DLG2: variants seen among roughly 807,000 people sequenced by gnomAD.
DLG2 encodes disks large homolog 2.
A neutral mutation model predicts 132.5 loss-of-function variants in DLG2; 45 were observed. The observed-to-expected ratio is 0.34, with a 90% CI of 0.27 to 0.44. The LOEUF (loss-of-function observed/expected upper bound fraction) is 0.44, where lower values mean the gene tolerates loss of function less well. Among genes scored for constraint, DLG2 ranks in the 20% least tolerant of loss-of-function variants. The pLI is 1.00. For missense variants in DLG2, 1,045 were observed against 1,196.9 expected (o/e 0.87, Z 1.87); for synonymous variants, 424 against 419.6 (o/e 1.01, Z -0.13).
chr11:84,911,494 C>A (rs932289929), intron 6 of DLG2, among the ~76,000 whole-genome samples: 2 of 151,752 alleles, frequency 1.3e-5, no homozygotes, highest in Non-Finnish European at 2.9e-5. Flanking sequence ...TCTTTTAAAT[C>A]TAATAAATAT....
At chr11:84,674,132 T>C (rs1232323592) in intron 6 of DLG2, among the ~76,000 whole-genome samples, 1 of 152,090 alleles carries the variant, frequency 6.6e-6, no homozygotes, top group African/African-American at 2.4e-5. Context: ...TAGTGATGAG[T>C]GTCCTTCTAA....
chr11:84,866,082 ACCAGTTT>A (rs1566199109), intron 6 of DLG2, among the ~76,000 whole-genome samples: 1 of 152,206 alleles, frequency 6.6e-6, no homozygotes, highest in Non-Finnish European at 1.5e-5. Context: ...TCTTCTAAAA[ACCAGTTT>A]CCTATAGAGG....
intron 6 of DLG2, chr11:84,955,260 T>C (rs1189700189): frequency 6.6e-6 from 1 of 152,202 alleles, no homozygotes; most frequent in African/African-American, 2.4e-5. Flanking sequence ...CCAGTCATTC[T>C]TTTAAATAAT....
chr11:85,255,843 A>G (rs1230735584), intron 4 of DLG2, among the ~76,000 whole-genome samples: 1 of 152,226 alleles, frequency 6.6e-6, no homozygotes, highest in East Asian at 1.9e-4. Context: ...AGCAAGACTG[A>G]GTGGGAAAAG....
intron 6 of DLG2, chr11:84,936,549 G>T (rs2048768462): frequency 6.6e-6 from 1 of 151,782 alleles, no homozygotes; most frequent in Non-Finnish European, 1.5e-5. Context: ...ATATATATGT[G>T]CAATATAATA....
At chr11:83,610,359 C>T (rs916704199) in intron 19 of DLG2, among the ~76,000 whole-genome samples, 2 of 152,078 alleles carry the variant, frequency 1.3e-5, no homozygotes, top group African/African-American at 2.4e-5. Flanking sequence ...TGGTGCTGCA[C>T]GAATCTGTAT....
chr11:85,585,276 T>A (rs2153230285), intron 3 of DLG2, among the ~76,000 whole-genome samples: 1 of 152,320 alleles, frequency 6.6e-6, no homozygotes, highest in Non-Finnish European at 1.5e-5. Flanking sequence ...CCCCACCTTA[T>A]GTTGTTGTTC....
Position 84,207,174 on chromosome 11 carries a change from C to T in DLG2, c.574-43663G>A, listed in dbSNP as rs912430995. Among the ~76,000 whole-genome samples, 3 of 151,458 alleles carry T rather than the reference C, an allele frequency of 2.0e-5. No individual in the cohort carries two copies. In the East Asian group the frequency reaches 5.8e-4, roughly 29 times the overall value. On this transcript the variant is annotated intron_variant, in intron 8 of 27. Coordinates refer to ENST00000376104, the MANE Select transcript of DLG2 (RefSeq NM_001142699.3). ...CTTACATAAATGGAAAAATATACCA[C>T]GCTTATGGGCTGGAAGACTCAATAT...
intron 9 of DLG2, among the ~76,000 whole-genome samples, chr11:84,099,481 G>A (rs1165653642): frequency 6.6e-6 from 1 of 151,796 alleles, no homozygotes; most frequent in Non-Finnish European, 1.5e-5. Context: ...CTTATTTCTG[G>A]TATTGTTGTT....
rs185107843 is a variant in DLG2, at chr11:84,447,144, C to T, written c.519+87426G>A. 5.3e-5 allele frequency among the ~76,000 whole-genome samples: 8 copies of T among 152,230 alleles called. No individual in the cohort carries two copies. The East Asian group carries it at 7.7e-4, about 15-fold the overall frequency. ...TTATAATAGTTAATTAGCTAAACTA[C>T]GCTGTAAGACAGACCACCACCATCA... On this transcript the variant is annotated intron_variant, in intron 7 of 27. Transcript: ENST00000376104.
Position 83,798,913 on chromosome 11 carries a change from A to G in DLG2, c.1723-12121T>C, listed in dbSNP as rs73515117. On this transcript the variant is annotated intron_variant, in intron 17 of 27. Coordinates refer to ENST00000376104, the MANE Select transcript of DLG2 (RefSeq NM_001142699.3). ...CTGTTGCCAACTCTGCCATCAACTT[A>G]TTCAAGCCAGCTAAGGAGCTGCTCT... 2.4e-3 allele frequency among the ~76,000 whole-genome samples: 370 copies of G among 152,348 alleles called. 1 individual carries two copies. The highest frequency in any genetic ancestry group is 8.7e-3 in the African/African-American group (362 of 41,580).
In DLG2 at chr11:83,714,866, A is replaced by T. The variant is rs2086323026; in HGVS notation, c.1825+71824T>A. 2.0e-5 allele frequency among the ~76,000 whole-genome samples: 3 copies of T among 152,226 alleles called. No individual in the cohort carries two copies. In the South Asian group the frequency reaches 6.2e-4, roughly 31 times the overall value. On this transcript the variant is annotated intron_variant, in intron 18 of 27. Coordinates refer to ENST00000376104, the MANE Select transcript of DLG2 (RefSeq NM_001142699.3). ...AAGACAGTGTGGCGATTCCTCAAGG[A>T]TCTAGAACAAGAAATGTCATTTGAC...
At chr11:85,172,853 A>G (rs1209448478) in intron 4 of DLG2, among the ~76,000 whole-genome samples, 2 of 152,160 alleles carry the variant, frequency 1.3e-5, no homozygotes, top group Non-Finnish European at 2.9e-5. Flanking sequence ...AGCATAGACC[A>G]AGCAGAGGAA....
intron 4 of DLG2, among the ~76,000 whole-genome samples, chr11:85,183,190 GA>G (rs1380913550): frequency 6.6e-6 from 1 of 151,748 alleles, no homozygotes; most frequent in Non-Finnish European, 1.5e-5. Context: ...AGTATGAATG[GA>G]ATCAGCTTTG....
chr11:83,951,385 CAAAT>C (rs2085377167), intron 14 of DLG2, among the ~76,000 whole-genome samples: 3 of 151,870 alleles, frequency 2.0e-5, no homozygotes, highest in Admixed American at 1.3e-4. Context: ...AGACAACAAA[CAAAT>C]ACTCAAATAA....
chr11:84,163,775 AAC>A (rs140422194), intron 8 of DLG2, among the ~76,000 whole-genome samples: 1,861 of 152,282 alleles, frequency 0.012, 33 homozygotes, highest in African/African-American at 0.043. Flanking sequence ...GAGGTATAAT[AAC>A]ACAAAATACA....
chr11:84,077,013 G>T (rs537879892), intron 10 of DLG2, among the ~76,000 whole-genome samples: 16 of 152,186 alleles, frequency 1.1e-4, no homozygotes, highest in Admixed American at 1.0e-3. Flanking sequence ...TCTTTTTAAA[G>T]ATCTCACCAG....
At chr11:84,684,384 T>C (rs1479895876) in intron 6 of DLG2, among the ~76,000 whole-genome samples, 1 of 152,204 alleles carries the variant, frequency 6.6e-6, no homozygotes, top group Non-Finnish European at 1.5e-5. Context: ...TTCTTTTTCT[T>C]GTTCACACTC....
chr11:84,304,425 G>T (rs1359358423), intron 7 of DLG2, among the ~76,000 whole-genome samples: 2 of 152,218 alleles, frequency 1.3e-5, no homozygotes, highest in Non-Finnish European at 2.9e-5. Context: ...GCTTAATCCA[G>T]ACTTTTTAAA....
Sources: allele counts gnomAD v4.1 joint callset (sites outside exome capture counted in the v4.1 genomes callset), GRCh38; gene constraint gnomAD v4.1.1; transcripts MANE v1.5; gene names NCBI Gene and HGNC (gene_info 2026-07-23, HGNC 2026-07-21).